Variants in AOPEP observed in about 807,000 individuals in gnomAD.
AOPEP encodes aminopeptidase O (putative).
Under a neutral mutation model 98.1 loss-of-function variants are expected in AOPEP, and 77 were observed. The ratio of observed to expected loss-of-function variants is 0.78; its 90% confidence interval spans 0.65 to 0.95. AOPEP has a LOEUF of 0.95. Ranked by LOEUF, AOPEP falls within the 40% of genes least tolerant of loss-of-function variation. AOPEP has a pLI of 0.00. For synonymous variants in AOPEP, 346 were observed against 365.3 expected, an observed-to-expected ratio of 0.95 and a Z score of 0.60; for missense variants, 1,024 against 1,024.7, an observed-to-expected ratio of 1.00 and a Z score of 0.01.
At chr9:95,063,870 C>T (rs902873927) in intron 14 of AOPEP, among the ~76,000 whole-genome samples, 10 of 151,614 alleles carry the variant, frequency 6.6e-5, no homozygotes, top group Middle Eastern at 3.2e-3. Context: ...TGCACGTGAG[C>T]GGCTCTTCCT....
chr9:95,109,336 C>T, the AOPEP span, among the ~76,000 whole-genome samples: 1 of 152,132 alleles, frequency 6.6e-6, no homozygotes, highest in Admixed American at 6.5e-5. Context: ...TATTTATGAA[C>T]AATGCTGTGC....
intron 6 of AOPEP, among the ~76,000 whole-genome samples, chr9:94,925,210 C>T (rs756060597): frequency 9.2e-5 from 14 of 152,280 alleles, no homozygotes; most frequent in Non-Finnish European, 1.5e-4. Context: ...AGTCTGGTCT[C>T]GAACTCCTGA....
At chr9:94,760,945 G>A (rs903069147) in intron 2 of AOPEP, among the ~76,000 whole-genome samples, 12 of 152,172 alleles carry the variant, frequency 7.9e-5, no homozygotes, top group Non-Finnish European at 1.2e-4. Context: ...CTTGCTTAAC[G>A]TTCCTTCATA....
At chr9:94,783,699 T>A (rs1383898455) in intron 3 of AOPEP, among the ~76,000 whole-genome samples, 1 of 152,118 alleles carries the variant, frequency 6.6e-6, no homozygotes, top group Admixed American at 6.5e-5. Flanking sequence ...GTATATTATA[T>A]ATTTAAAATA....
chr9:95,006,442 A>G (rs2062027484), intron 13 of AOPEP, among the ~76,000 whole-genome samples: 1 of 152,224 alleles, frequency 6.6e-6, no homozygotes, highest in Non-Finnish European at 1.5e-5. Flanking sequence ...TGCTGATAGC[A>G]TTGCTGCCAA....
At chr9:94,738,441 C>T (rs1013606292) in intron 1 of AOPEP, among the ~76,000 whole-genome samples, 1 of 152,156 alleles carries the variant, frequency 6.6e-6, no homozygotes, top group Non-Finnish European at 1.5e-5. Flanking sequence ...TGGGAGTTCT[C>T]TGGCGGTTTT....
At chr9:94,866,377 A>T (rs953181275) in intron 5 of AOPEP, among the ~76,000 whole-genome samples, 2 of 152,236 alleles carry the variant, frequency 1.3e-5, no homozygotes, top group Admixed American at 1.3e-4. Flanking sequence ...TAATCCTATT[A>T]ACTCTCATGC....
Position 94,952,070 on chromosome 9 carries a change from C to T in AOPEP, c.1662-3107C>T, listed in dbSNP as rs72750337. 5.2e-3 allele frequency among the ~76,000 whole-genome samples: 798 copies of T among 152,224 alleles called. 12 individuals carry two copies. Among genetic ancestry groups the T allele is most frequent in the South Asian group, 0.043 (206 of 4,818 alleles). On this transcript the variant is annotated intron_variant, in intron 7 of 16. Coordinates refer to ENST00000375315, the MANE Select transcript of AOPEP (RefSeq NM_001193329.3). ...AAGGCAAATGAGAATGGGAGTAGAC[C>T]GACCAGTTGGATTTGCCACAGCCCT... is the stretch of plus-strand genomic sequence containing the variant.
At chr9:94,902,684 G>A (rs2050567708) in intron 5 of AOPEP, among the ~76,000 whole-genome samples, 1 of 152,034 alleles carries the variant, frequency 6.6e-6, no homozygotes, top group Admixed American at 6.5e-5. Context: ...TGCTGTGTGT[G>A]TGTACTTGTG....
intron 3 of AOPEP, among the ~76,000 whole-genome samples, chr9:94,788,540 A>G (rs1182433561): frequency 6.6e-6 from 1 of 151,370 alleles, no homozygotes; most frequent in Non-Finnish European, 1.5e-5. Context: ...TGATTTTCTA[A>G]TAGAGGCTTT....
At position 94,760,389 on chromosome 9, in the gene AOPEP, G is replaced by A; in HGVS notation, c.606G>A (p.Gln202=). 2 of 1,614,170 alleles carry A rather than the reference G, an allele frequency of 1.2e-6. No homozygotes were observed. The highest frequency in any genetic ancestry group is 2.7e-5 in the African/African-American group (2 of 75,028). The change falls in exon 2 of 17, where the codon CAG becomes CAA. Residue 202 remains glutamine, a synonymous_variant. Transcript: ENST00000375315. ...TGCCTGCAAATCGTTGGAGGGAGCA[G>A]TTAGACTATTACGCTCGCTGCAGCC... ...VTLPANRWRE[Q]LDYYARCSQA...
chr9:94,776,672 T>C (rs1298271489), intron 3 of AOPEP, among the ~76,000 whole-genome samples: 3 of 152,252 alleles, frequency 2.0e-5, no homozygotes, highest in Non-Finnish European at 4.4e-5. Flanking sequence ...CCAATATCTC[T>C]GGAATTCATA....
At chr9:95,111,228 T>C in the AOPEP span, 19 of 1,536,924 alleles carry the variant, frequency 1.2e-5, no homozygotes, top group African/African-American at 2.6e-4. Context: ...GGTCTTCGTT[T>C]TGCAGGAGAA....
intron 5 of AOPEP, among the ~76,000 whole-genome samples, chr9:94,857,965 G>A (rs906159317): frequency 6.6e-6 from 1 of 151,414 alleles, no homozygotes; most frequent in Non-Finnish European, 1.5e-5. Flanking sequence ...GTACACTGGC[G>A]TACCCTGGTG....
chr9:94,887,248 T>G (rs1369117768), intron 5 of AOPEP, among the ~76,000 whole-genome samples: 2 of 151,892 alleles, frequency 1.3e-5, no homozygotes, highest in Non-Finnish European at 2.9e-5. Flanking sequence ...CTTGGGGAGC[T>G]GAGGTGGGAG....
intron 13 of AOPEP, chr9:95,056,634 C>T (rs953993106): frequency 1.3e-5 from 2 of 151,622 alleles, no homozygotes; most frequent in Non-Finnish European, 2.9e-5. Context: ...TTGGAAAATT[C>T]ATATTTTCTT....
the AOPEP span, among the ~76,000 whole-genome samples, chr9:95,119,600 G>A: frequency 6.6e-6 from 1 of 152,080 alleles, no homozygotes. Flanking sequence ...TCTTGAACTC[G>A]TGATCCACCC....
At chr9:95,126,615 A>G in the AOPEP span, 8 of 1,606,476 alleles carry the variant, frequency 5.0e-6, no homozygotes, top group Non-Finnish European at 6.8e-6. Context: ...AATGTGAAAT[A>G]TCACAAGCAC....
rs775727852 is a variant in AOPEP, at chr9:95,060,792, C to T, written c.2214C>T (p.Leu738=). Residue 738 remains leucine (L), a synonymous_variant, in exon 14 of 17, where the codon CTC becomes CTT. Coordinates refer to ENST00000375315, the MANE Select transcript of AOPEP (RefSeq NM_001193329.3). ...AAAGCCTCCAGAGGACATACCACCT[C>T]CAGGATCAGGATGCAGAGGTAACCA... ...TLQSLQRTYH[L]QDQDAEVRHR... The T allele has an allele frequency of 6.8e-6, 11 of 1,611,558 alleles. No individual in the cohort carries two copies. Among genetic ancestry groups the T allele is most frequent in the South Asian group, 1.1e-5 (1 of 91,022 alleles).
Sources: gnomAD v4.1 joint callset for allele counts (sites outside exome capture counted in the v4.1 genomes callset) on GRCh38, gnomAD v4.1.1 for gene constraint, MANE v1.5 for transcripts, NCBI Gene and HGNC (gene_info 2026-07-23, HGNC 2026-07-21) for gene names.